KIRREL3: variants seen among roughly 807,000 people sequenced by gnomAD.
KIRREL3 encodes the protein kin of IRRE-like protein 3.
Under a neutral mutation model 89.7 loss-of-function variants are expected in KIRREL3, and 36 were observed. The observed-to-expected ratio is 0.40, with a 90% CI of 0.31 to 0.53. The LOEUF (loss-of-function observed/expected upper bound fraction) is 0.53. Among genes scored for constraint, KIRREL3 ranks in the 20% least tolerant of loss-of-function variants. The pLI, the probability that KIRREL3 is intolerant of heterozygous loss-of-function variation, is 0.49. For synonymous variants in KIRREL3, 445 were observed against 441.4 expected (o/e 1.01, Z -0.10); for missense variants, 864 against 1,056.6 (o/e 0.82, Z 2.53).
chr11:126,889,681 C>A (rs1945835795), intron 1 of KIRREL3, among the ~76,000 whole-genome samples: 1 of 152,172 alleles, frequency 6.6e-6, no homozygotes, highest in Non-Finnish European at 1.5e-5. Context: ...TTTATTGGAA[C>A]CTGCACATTG....
chr11:126,994,031 T>A lies in KIRREL3; in HGVS notation c.55+6424A>T, dbSNP rs572755871. Among the ~76,000 whole-genome samples the A allele has an allele frequency of 1.3e-5, 2 of 151,726 alleles. No homozygotes were observed. The highest frequency in any genetic ancestry group is 2.9e-5 in the Non-Finnish European group (2 of 67,998). ...ATACTGACATACATAGGCCATCCAT[T>A]GCAGTTTTAGTTTCAATTATCAAAA... On this transcript the variant is annotated intron_variant, in intron 1 of 16. Transcript: ENST00000525144. The surrounding 1 kb of genome is among the most constrained non-coding windows in gnomAD (Gnocchi z 5.2).
At position 126,588,531 on chromosome 11, in the gene KIRREL3, G is replaced by C. The variant is rs146076807; in HGVS notation, c.56-25619C>G. Among the ~76,000 whole-genome samples the C allele has an allele frequency of 1.8e-3, 277 of 152,284 alleles. 1 individual carries two copies. Among genetic ancestry groups the C allele is most frequent in the African/African-American group, 6.0e-3 (248 of 41,558 alleles). Reference sequence around the variant, plus strand: ...CGGGCCCTGAGGCAGGGAGGGGAAGGAGAGGAGGAGTCCTTGCCAAAATTT... The same window carrying C: ...CGGGCCCTGAGGCAGGGAGGGGAAGCAGAGGAGGAGTCCTTGCCAAAATTT... On this transcript the variant is annotated intron_variant, in intron 1 of 16. Transcript: ENST00000525144.
At chr11:126,514,752 C>A (rs1371065322) in intron 4 of KIRREL3, among the ~76,000 whole-genome samples, 1 of 152,190 alleles carries the variant, frequency 6.6e-6, no homozygotes, top group African/African-American at 2.4e-5. Flanking sequence ...AATGATACAG[C>A]TAGGTTTCAA....
chr11:126,440,712 AAATT>A, intron 10 of KIRREL3, 163 bp from the exon 11 acceptor site: 1 of 681,998 alleles, frequency 1.5e-6, no homozygotes, highest in East Asian at 2.7e-5. Flanking sequence ...ACTCAGAGAT[AAATT>A]AGGCATTCAG....
In KIRREL3 at chr11:126,743,000, A is replaced by T. The variant is rs1335387054; in HGVS notation, c.56-180088T>A. ...CTGTCCCCTGCTCAGCTTATCTGAG[A>T]TGAGGCCATCAGTGAGGACCTCCTC... On this transcript the variant is annotated intron_variant, in intron 1 of 16. Transcript: ENST00000525144. The surrounding 1 kb of genome is among the most constrained non-coding windows in gnomAD (Gnocchi z 5.3). Among the ~76,000 whole-genome samples, 1 of 152,260 alleles carries T rather than the reference A, an allele frequency of 6.6e-6. No individual in the cohort carries two copies. Among genetic ancestry groups the T allele is most frequent in the East Asian group, 1.9e-4 (1 of 5,196 alleles).
Position 126,748,216 on chromosome 11 carries a change from T to C in KIRREL3, c.56-185304A>G, listed in dbSNP as rs1331450743. 6.6e-6 allele frequency among the ~76,000 whole-genome samples: 1 copy of C among 152,188 alleles called. No homozygotes were observed. Among genetic ancestry groups the C allele is most frequent in the African/African-American group, 2.4e-5 (1 of 41,472 alleles). On this transcript the variant is annotated intron_variant, in intron 1 of 16. Coordinates refer to ENST00000525144, the MANE Select transcript of KIRREL3 (RefSeq NM_032531.4). This position sits in a 1 kb window ranked among gnomAD's most constrained non-coding sequence, Gnocchi z 4.6. ...AAGCTGCCTGGATGCTTTCTGGCCT[T>C]CTGGGTGTGCAGACAATCTCACTGT...
chr11:126,504,530 T>C (rs991014013), intron 4 of KIRREL3, among the ~76,000 whole-genome samples: 12 of 152,202 alleles, frequency 7.9e-5, no homozygotes, highest in African/African-American at 2.7e-4. Context: ...ATTGGACTAA[T>C]AAAAATCTTC....
At chr11:126,616,872 G>T (rs1206861497) in intron 1 of KIRREL3, among the ~76,000 whole-genome samples, 1 of 152,194 alleles carries the variant, frequency 6.6e-6, no homozygotes, top group African/African-American at 2.4e-5. Context: ...GAACTCCTGG[G>T]CTCAAGTGAT....
chr11:126,778,234 A>G lies in KIRREL3; in HGVS notation c.56-215322T>C, dbSNP rs1185692031. Among the ~76,000 whole-genome samples the G allele has an allele frequency of 6.6e-6, 1 of 152,126 alleles. No individual in the cohort carries two copies. The highest frequency in any genetic ancestry group is 1.9e-4 in the East Asian group (1 of 5,188). On this transcript the variant is annotated intron_variant, in intron 1 of 16. Coordinates refer to ENST00000525144, the MANE Select transcript of KIRREL3 (RefSeq NM_032531.4). The surrounding 1 kb of genome is among the most constrained non-coding windows in gnomAD (Gnocchi z 4.5). ...TTTTCTTTTTAATTAAAATGGGATCATATTATACACCTTGTTCTGTATCTT... is the reference window on the plus strand; with the variant it reads ...TTTTCTTTTTAATTAAAATGGGATCGTATTATACACCTTGTTCTGTATCTT...
At chr11:126,717,419 G>A (rs1003122903) in intron 1 of KIRREL3, among the ~76,000 whole-genome samples, 9 of 152,232 alleles carry the variant, frequency 5.9e-5, no homozygotes, top group African/African-American at 2.2e-4. Context: ...AACCAGCAGT[G>A]ATAGAATGTC....
At position 127,000,438 on chromosome 11, in the gene KIRREL3, C is replaced by T; in HGVS notation, c.55+17G>A. ...CCAGCCGACTTTCTTCCAACTCCAGCAGCGCAGGGGTCCTACCTTGACTGA... is the reference window on the plus strand; with the variant it reads ...CCAGCCGACTTTCTTCCAACTCCAGTAGCGCAGGGGTCCTACCTTGACTGA... On this transcript the variant is annotated intron_variant, in intron 1 of 16. Coordinates refer to ENST00000525144, the MANE Select transcript of KIRREL3 (RefSeq NM_032531.4). This position sits in a 1 kb window ranked among gnomAD's most constrained non-coding sequence, Gnocchi z 7.1. 1.3e-6 allele frequency: 2 copies of T among 1,591,356 alleles called. No individual in the cohort carries two copies. The highest frequency in any genetic ancestry group is 1.7e-6 in the Non-Finnish European group (2 of 1,169,006).
At position 126,565,167 on chromosome 11, in the gene KIRREL3, G is replaced by A. The variant is rs753786204; in HGVS notation, c.56-2255C>T. On this transcript the variant is annotated intron_variant, in intron 1 of 16. Transcript: ENST00000525144. This position sits in a 1 kb window ranked among gnomAD's most constrained non-coding sequence, Gnocchi z 5.4. ...CTGGTCTTCTGGACTGTGACTGAAC[G>A]CTCAGGCAAATGGAAGGGCGAACAA... is the stretch of plus-strand genomic sequence containing the variant. Among the ~76,000 whole-genome samples, 37 of 152,088 alleles carry A rather than the reference G, an allele frequency of 2.4e-4. No individual in the cohort carries two copies. Among genetic ancestry groups the A allele is most frequent in the Non-Finnish European group, 4.9e-4 (33 of 68,022 alleles).
chr11:126,813,948 A>G (rs1012617274), intron 1 of KIRREL3, among the ~76,000 whole-genome samples: 2 of 152,212 alleles, frequency 1.3e-5, no homozygotes, highest in Non-Finnish European at 2.9e-5. Flanking sequence ...CTGTACAGCG[A>G]AAGAAACTAT....
intron 1 of KIRREL3, among the ~76,000 whole-genome samples, chr11:126,838,792 A>C (rs1264662684): frequency 6.6e-6 from 1 of 152,182 alleles, no homozygotes; most frequent in Non-Finnish European, 1.5e-5. Context: ...GCAGTAATAA[A>C]GGGGGGAAAT....
intron 11 of KIRREL3, 46 bp from the exon 12 acceptor site, chr11:126,437,055 C>T: frequency 6.9e-7 from 1 of 1,455,136 alleles, no homozygotes; most frequent in Admixed American, 2.4e-5. Context: ...CAGAGGGGCC[C>T]AGGACACGCC....
At chr11:126,829,939 GA>G (rs571659147) in intron 1 of KIRREL3, among the ~76,000 whole-genome samples, 84 of 152,286 alleles carry the variant, frequency 5.5e-4, no homozygotes, top group African/African-American at 1.9e-3. Context: ...CCTGAGCCTG[GA>G]AAGATGTGCA....
intron 1 of KIRREL3, among the ~76,000 whole-genome samples, chr11:126,781,298 A>C (rs1056214741): frequency 6.6e-6 from 1 of 152,178 alleles, no homozygotes; most frequent in South Asian, 2.1e-4. Context: ...TTTTCTTAAC[A>C]TTCCTTTTCA....
In KIRREL3 at chr11:126,904,717, G is replaced by A. The variant is rs566147506; in HGVS notation, c.55+95738C>T. ...GCTTGGGGGTAGGGGGTCAAAGGAG[G>A]AAGTATGCATAATGTACATATTTAA... On this transcript the variant is annotated intron_variant, in intron 1 of 16. Transcript: ENST00000525144. The surrounding 1 kb of genome is among the most constrained non-coding windows in gnomAD (Gnocchi z 4.4). 1.3e-5 allele frequency among the ~76,000 whole-genome samples: 2 copies of A among 152,178 alleles called. No individual in the cohort carries two copies. The highest frequency in any genetic ancestry group is 6.6e-5 in the Admixed American group (1 of 15,266).
rs147333852 is a variant in KIRREL3, at chr11:126,640,040, T to G, written c.56-77128A>C. On this transcript the variant is annotated intron_variant, in intron 1 of 16. Transcript: ENST00000525144. The surrounding 1 kb of genome is among the most constrained non-coding windows in gnomAD (Gnocchi z 4.9). Reference sequence around the variant, plus strand: ...AATAACTTCATTACGATCAGTACTGTGACAATGAATATGAAATGAACGTGC... The same window carrying G: ...AATAACTTCATTACGATCAGTACTGGGACAATGAATATGAAATGAACGTGC... Among the ~76,000 whole-genome samples, 84 of 152,284 alleles carry G rather than the reference T, an allele frequency of 5.5e-4. No individual in the cohort carries two copies. Among genetic ancestry groups the G allele is most frequent in the African/African-American group, 1.9e-3 (78 of 41,550 alleles).
Sources: allele counts gnomAD v4.1 joint callset (sites outside exome capture counted in the v4.1 genomes callset), GRCh38; gene constraint gnomAD v4.1.1; non-coding constraint Gnocchi (gnomAD v3.1); transcripts MANE v1.5; gene names NCBI Gene and HGNC (gene_info 2026-07-23, HGNC 2026-07-21).